Variants in CNTN5 observed in about 807,000 individuals in gnomAD.
CNTN5 encodes contactin 5.
Under a neutral mutation model 129.1 loss-of-function variants are expected in CNTN5, and 77 were observed. The observed-to-expected ratio is 0.60, with a 90% CI of 0.50 to 0.72. The LOEUF is 0.72. Ranked by LOEUF, CNTN5 falls within the 30% of genes least tolerant of loss-of-function variation. CNTN5 has a pLI of 0.00. For missense variants in CNTN5, 1,478 were observed against 1,328.8 expected, an observed-to-expected ratio of 1.11 and a Z score of -1.75; for synonymous variants, 509 against 465.6, an observed-to-expected ratio of 1.09 and a Z score of -1.20.
intron 2 of CNTN5, among the ~76,000 whole-genome samples, chr11:99,408,503 A>AAAGAAAGTAAGT (rs1390703661): frequency 1.4e-5 from 2 of 144,742 alleles, no homozygotes; most frequent in East Asian, 2.3e-4. Flanking sequence ...AGAAAGAAAG[A>AAAGAAAGTAAGT]AAGTTAGTTC....
intron 1 of CNTN5, among the ~76,000 whole-genome samples, chr11:99,309,255 G>A (rs973624915): frequency 8.1e-5 from 12 of 148,842 alleles, no homozygotes; most frequent in Non-Finnish European, 1.3e-4. Flanking sequence ...GAGGTTACAA[G>A]TGATACTTAT....
At chr11:99,668,397 G>A (rs17134173) in intron 3 of CNTN5, among the ~76,000 whole-genome samples, 12 of 152,030 alleles carry the variant, frequency 7.9e-5, no homozygotes, top group South Asian at 2.1e-4. Flanking sequence ...GGTGATTCTC[G>A]TATCCTTCTT....
chr11:99,479,110 T>C lies in CNTN5; in HGVS notation c.-70-77035T>C, dbSNP rs181470520. Among the ~76,000 whole-genome samples, 1,120 of 152,170 alleles carry C rather than the reference T, an allele frequency of 7.4e-3. 3 individuals carry two copies. Among genetic ancestry groups the C allele is most frequent in the Non-Finnish European group, 0.013 (877 of 67,944 alleles). On this transcript the variant is annotated intron_variant, in intron 2 of 24. Transcript: ENST00000524871. ...AAAATTCATATGGCTTTTCTGGTTC[T>C]TGGTGGAAATAGAGCATAAAGAAAT...
At chr11:99,850,391 C>A (rs1427129956) in intron 6 of CNTN5, among the ~76,000 whole-genome samples, 1 of 152,062 alleles carries the variant, frequency 6.6e-6, no homozygotes. Context: ...TGACAAGGAA[C>A]TGAGTATTGA....
intron 2 of CNTN5, among the ~76,000 whole-genome samples, chr11:99,361,610 C>T (rs891698194): frequency 6.6e-6 from 1 of 152,104 alleles, no homozygotes; most frequent in South Asian, 2.1e-4. Flanking sequence ...TCATTCCAAA[C>T]AGAAACCGTG....
intron 3 of CNTN5, among the ~76,000 whole-genome samples, chr11:99,752,577 T>A (rs1026115821): frequency 6.6e-6 from 1 of 152,200 alleles, no homozygotes; most frequent in Non-Finnish European, 1.5e-5. Flanking sequence ...GTATATAGGT[T>A]CTTGACTTAC....
chr11:99,312,600 C>A (rs1865159967), intron 1 of CNTN5, among the ~76,000 whole-genome samples: 1 of 152,064 alleles, frequency 6.6e-6, no homozygotes, highest in Admixed American at 6.5e-5. Context: ...TCTCTCTATG[C>A]CAAATTGTAT....
intron 3 of CNTN5, among the ~76,000 whole-genome samples, chr11:99,625,917 TATATATACACACAC>T (rs748502060): frequency 2.4e-3 from 307 of 127,040 alleles, no homozygotes; most frequent in Admixed American, 4.1e-3. Context: ...TATATATATA[TATATATACACACAC>T]ACACACACAC....
At chr11:99,186,493 A>C (rs1858358620) in intron 1 of CNTN5, among the ~76,000 whole-genome samples, 1 of 151,986 alleles carries the variant, frequency 6.6e-6, no homozygotes, top group Non-Finnish European at 1.5e-5. Context: ...GGGTTTTTGT[A>C]TACTTTGCCT....
intron 1 of CNTN5, among the ~76,000 whole-genome samples, chr11:99,322,109 C>T (rs1258033283): frequency 6.6e-6 from 1 of 152,110 alleles, no homozygotes; most frequent in Non-Finnish European, 1.5e-5. Flanking sequence ...CAGAATACCG[C>T]AGACTGGTTG....
chr11:100,022,506 A>T (rs1021596915), intron 9 of CNTN5, among the ~76,000 whole-genome samples: 1 of 152,190 alleles, frequency 6.6e-6, no homozygotes, highest in Admixed American at 6.5e-5. Context: ...CATATTATAA[A>T]GCCCATAGTA....
chr11:99,906,970 A>G (rs1228451644), intron 6 of CNTN5, among the ~76,000 whole-genome samples: 1 of 152,030 alleles, frequency 6.6e-6, no homozygotes. Context: ...CAGTGGTGAT[A>G]TCCACTTTGC....
chr11:99,941,205 T>C (rs1447706223), intron 7 of CNTN5, among the ~76,000 whole-genome samples: 4 of 152,076 alleles, frequency 2.6e-5, no homozygotes, highest in Non-Finnish European at 5.9e-5. Flanking sequence ...GGTTCAAGTC[T>C]CATGTCCTTA....
chr11:99,553,481 G>A (rs921082950), intron 2 of CNTN5, among the ~76,000 whole-genome samples: 1 of 151,924 alleles, frequency 6.6e-6, no homozygotes, highest in Non-Finnish European at 1.5e-5. Flanking sequence ...CAAAAGAAAC[G>A]TGTAAAAAGT....
chr11:100,334,457 T>TA (rs1951983484), intron 21 of CNTN5, among the ~76,000 whole-genome samples: 3 of 152,132 alleles, frequency 2.0e-5, no homozygotes. Context: ...AAGAAGTCGT[T>TA]ATACGAAAAA....
intron 1 of CNTN5, among the ~76,000 whole-genome samples, chr11:99,317,612 G>A (rs1865395164): frequency 1.3e-5 from 2 of 152,048 alleles, no homozygotes; most frequent in African/African-American, 4.8e-5. Flanking sequence ...ACATACTCTA[G>A]AGAATCAAGG....
intron 16 of CNTN5, among the ~76,000 whole-genome samples, chr11:100,240,219 A>ACCCCCCCCCCCCCCCCCCCCCCC (rs1468030423): frequency 1.3e-5 from 2 of 149,702 alleles, no homozygotes; most frequent in African/African-American, 5.1e-5. Flanking sequence ...AATTATCAAC[A>ACCCCCCCCCCCCCCCCCCCCCCC]CCCCGCCCCA....
At chr11:99,480,287 TTCTC>T (rs1429660143) in intron 2 of CNTN5, among the ~76,000 whole-genome samples, 1 of 152,100 alleles carries the variant, frequency 6.6e-6, no homozygotes, top group African/African-American at 2.4e-5. Flanking sequence ...ATGATAAACT[TTCTC>T]TCCTGTGGAA....
At chr11:99,485,522 A>G (rs979282816) in intron 2 of CNTN5, among the ~76,000 whole-genome samples, 11 of 152,078 alleles carry the variant, frequency 7.2e-5, no homozygotes, top group Non-Finnish European at 1.2e-4. Context: ...AAGGTTGTAC[A>G]TGTGTGAGGA....
Sources: allele counts gnomAD v4.1 joint callset (sites outside exome capture counted in the v4.1 genomes callset), GRCh38; gene constraint gnomAD v4.1.1; transcripts MANE v1.5; gene names NCBI Gene and HGNC (gene_info 2026-07-23, HGNC 2026-07-21).